Variants in SNTG1 observed in about 807,000 individuals in gnomAD.
The protein encoded by SNTG1 is syntrophin gamma 1.
A neutral mutation model predicts 74.7 loss-of-function variants in SNTG1; 39 were observed. The observed-to-expected ratio is 0.52, with a 90% CI of 0.40 to 0.68. The LOEUF is 0.68. Among genes scored for constraint, SNTG1 ranks in the 30% least tolerant of loss-of-function variants. The probability of loss-of-function intolerance (pLI) is 0.00; values close to 1 mark genes in which losing one functional copy is unlikely to be tolerated. For synonymous variants in SNTG1, 254 were observed against 217.1 expected, an observed-to-expected ratio of 1.17 and a Z score of -1.49; for missense variants, 685 against 609.5, an observed-to-expected ratio of 1.12 and a Z score of -1.30.
At chr8:50,196,022 G>A (rs376257933) in intron 2 of SNTG1, among the ~76,000 whole-genome samples, 1 of 152,130 alleles carries the variant, frequency 6.6e-6, no homozygotes, top group Non-Finnish European at 1.5e-5. Flanking sequence ...ACATATGAAA[G>A]TGGCTTAACT....
At chr8:50,342,494 T>TA (rs963381923) in intron 2 of SNTG1, among the ~76,000 whole-genome samples, 4 of 152,120 alleles carry the variant, frequency 2.6e-5, no homozygotes, top group African/African-American at 7.2e-5. Flanking sequence ...ATCAATAGAT[T>TA]AAAAAAATGT....
intron 2 of SNTG1, among the ~76,000 whole-genome samples, chr8:50,339,899 C>A (rs2091268734): frequency 6.6e-6 from 1 of 151,602 alleles, no homozygotes; most frequent in Non-Finnish European, 1.5e-5. Context: ...TAAAAATAAA[C>A]AAGAGTAAAC....
chr8:49,930,433 A>G (rs1807464112), intron 1 of SNTG1, among the ~76,000 whole-genome samples: 1 of 152,084 alleles, frequency 6.6e-6, no homozygotes, highest in Non-Finnish European at 1.5e-5. Context: ...ATTCCTGATA[A>G]CATCTAATAA....
intron 13 of SNTG1, chr8:50,644,107 T>C (rs558459629): frequency 1.3e-5 from 2 of 152,260 alleles, no homozygotes; most frequent in Non-Finnish European, 2.9e-5. Flanking sequence ...AAACAGTGGT[T>C]GCAGTGGCCA....
In SNTG1 at chr8:50,790,372, A is replaced by T. The variant is rs117986332; in HGVS notation, c.1396-2299A>T. ...CTCTTTACATTTTTGAAGATAGCTT[A>T]TATTTAGTGATATCTGAGGGATCAT... On this transcript the variant is annotated intron_variant, in intron 18 of 18. Transcript: ENST00000642720. Among the ~76,000 whole-genome samples, 500 of 152,014 alleles carry T rather than the reference A, an allele frequency of 3.3e-3. 2 individuals carry two copies. The highest frequency in any genetic ancestry group is 5.1e-3 in the Non-Finnish European group (347 of 67,906).
intron 2 of SNTG1, among the ~76,000 whole-genome samples, chr8:50,311,643 T>A (rs1359200717): frequency 6.6e-6 from 1 of 152,214 alleles, no homozygotes; most frequent in African/African-American, 2.4e-5. Flanking sequence ...TTTCAAAATC[T>A]TAAATTGTTA....
rs76276665 is a variant in SNTG1 at position 50,795,928 on chromosome 8, C to A, written c.*3099C>A. On this transcript the variant is annotated 3_prime_UTR_variant, in exon 19 of 19. Coordinates refer to ENST00000642720, the MANE Select transcript of SNTG1 (RefSeq NM_018967.5). ...TTCTTGCCCATATTTCAGGCATGTA[C>A]CAACTTATAATTTTGAAATCTTCGC... 1.9e-3 allele frequency: 291 copies of A among 152,046 alleles called. No homozygotes were observed. The highest frequency in any genetic ancestry group is 6.6e-3 in the African/African-American group (276 of 41,516). 9.4% of individuals were successfully genotyped at this position (152,046 alleles called of 1,614,324 possible). A position where few individuals can be genotyped will look rare whatever the true frequency, so the allele number is the denominator to read the frequency against.
At chr8:50,701,022 G>A (rs534196913) in intron 15 of SNTG1, among the ~76,000 whole-genome samples, 1 of 152,138 alleles carries the variant, frequency 6.6e-6, no homozygotes, top group Admixed American at 6.5e-5. Flanking sequence ...TTTGCTAAGA[G>A]AATAGAAAAT....
At chr8:50,104,792 C>CTT (rs1309483575) in intron 1 of SNTG1, among the ~76,000 whole-genome samples, 1 of 152,084 alleles carries the variant, frequency 6.6e-6, no homozygotes, top group African/African-American at 2.4e-5. Flanking sequence ...CAAAGAACAT[C>CTT]TTTATTTCTG....
intron 1 of SNTG1, among the ~76,000 whole-genome samples, chr8:50,036,696 A>G (rs2130789797): frequency 6.6e-6 from 1 of 152,298 alleles, no homozygotes; most frequent in African/African-American, 2.4e-5. Context: ...AAGATTTATT[A>G]TGTATAAATG....
At chr8:50,719,583 T>G (rs1021426339) in intron 17 of SNTG1, among the ~76,000 whole-genome samples, 1 of 152,078 alleles carries the variant, frequency 6.6e-6, no homozygotes, top group African/African-American at 2.4e-5. Flanking sequence ...CAAAACAAAG[T>G]TTTTTGCTAT....
intron 9 of SNTG1, among the ~76,000 whole-genome samples, chr8:50,509,382 T>C (rs1477171156): frequency 6.6e-6 from 1 of 152,224 alleles, no homozygotes; most frequent in Non-Finnish European, 1.5e-5. Context: ...TGGCTTAGGA[T>C]TGACTTGGCG....
intron 4 of SNTG1, among the ~76,000 whole-genome samples, chr8:50,405,723 G>A: frequency 6.6e-6 from 1 of 151,936 alleles, no homozygotes; most frequent in Non-Finnish European, 1.5e-5. Flanking sequence ...GCCAAATTCA[G>A]TGTCATGAAT....
intron 12 of SNTG1, among the ~76,000 whole-genome samples, chr8:50,573,777 T>C (rs2130778003): frequency 6.6e-6 from 1 of 151,906 alleles, no homozygotes; most frequent in Admixed American, 6.6e-5. Flanking sequence ...CAGTAAAAAA[T>C]GTCTAATGAA....
At chr8:50,173,218 A>G (rs1563693601) in intron 2 of SNTG1, among the ~76,000 whole-genome samples, 1 of 152,222 alleles carries the variant, frequency 6.6e-6, no homozygotes, top group African/African-American at 2.4e-5. Context: ...AGCATGGGTG[A>G]TGCAGGTGGA....
intron 4 of SNTG1, among the ~76,000 whole-genome samples, chr8:50,423,082 G>C (rs1386786253): frequency 2.6e-5 from 4 of 152,078 alleles, no homozygotes; most frequent in South Asian, 4.1e-4. Flanking sequence ...GCTTTATTAT[G>C]ATGATATAAC....
chr8:50,545,679 T>C (rs1487999142), intron 11 of SNTG1, among the ~76,000 whole-genome samples: 3 of 152,110 alleles, frequency 2.0e-5, no homozygotes, highest in South Asian at 4.1e-4. Flanking sequence ...ACTATGAAAA[T>C]CGATAATATT....
At chr8:50,302,417 G>A (rs1368174499) in intron 2 of SNTG1, among the ~76,000 whole-genome samples, 1 of 151,974 alleles carries the variant, frequency 6.6e-6, no homozygotes, top group African/African-American at 2.4e-5. Flanking sequence ...TCTGGTTAAA[G>A]GTTTTTTTTT....
intron 16 of SNTG1, 186 bp from the exon 17 acceptor site, chr8:50,708,700 C>T: frequency 1.8e-6 from 1 of 558,670 alleles, no homozygotes; most frequent in Non-Finnish European, 3.2e-6. Context: ...TTAAATAAAA[C>T]CCAACACTCT....
Sources: gnomAD v4.1 joint callset for allele counts (sites outside exome capture counted in the v4.1 genomes callset) on GRCh38, gnomAD v4.1.1 for gene constraint, MANE v1.5 for transcripts, NCBI Gene and HGNC (gene_info 2026-07-23, HGNC 2026-07-21) for gene names.